The following MRGPRX2 variants were observed in gnomAD, a reference collection of about 807,000 sequenced individuals.
MRGPRX2 encodes mas-related G protein-coupled receptor member X2.
For missense variants in MRGPRX2, 389 were observed against 404.5 expected (o/e 0.96, Z 0.33); for synonymous variants, 183 against 175.6 (o/e 1.04, Z -0.33).
chr11:19,054,842 C>G lies in MRGPRX2; in HGVS notation c.*568G>C, dbSNP rs1849597412. On this transcript the variant is annotated 3_prime_UTR_variant, in exon 2 of 2. Transcript: ENST00000329773. ...AGTGAAAGCAATAAATTTAGTGACT[C>G]AAATCTGGTAAATGGAGACTTTTCA... 1 of 152,182 alleles carries G rather than the reference C, an allele frequency of 6.6e-6. No homozygotes were observed. Among genetic ancestry groups the G allele is most frequent in the Non-Finnish European group, 1.5e-5 (1 of 68,030 alleles). 9.4% of individuals were successfully genotyped at this position (152,182 alleles called of 1,614,324 possible). A position where few individuals can be genotyped will look rare whatever the true frequency, so the allele number is the denominator to read the frequency against.
Position 19,056,378 on chromosome 11 carries a change from C to T in MRGPRX2, c.25G>A (p.Gly9Arg), listed in dbSNP as rs528014472. Residue 9 changes from glycine to arginine, a missense_variant, in exon 2 of 2, where the codon GGA (glycine) becomes AGA (arginine). Gly to Arg is a moderately radical substitution (Grantham distance 125, BLOSUM62 -2). Transcript: ENST00000329773. The stretch of plus-strand genomic sequence containing the variant: ...CCATTCACTGTTGTACTTTCTGTTC[C>T]CCAGGCCGGGGTGGTTGGATCCATG... MDPTTPAWGTESTTVNGND... is the reference protein window; with the variant it reads MDPTTPAWRTESTTVNGND... 1 of 1,612,414 alleles carries T rather than the reference C, an allele frequency of 6.2e-7. No homozygotes were observed. The highest frequency in any genetic ancestry group is 8.5e-7 in the Non-Finnish European group (1 of 1,178,600).
chr11:19,055,926 C>T lies in MRGPRX2; in HGVS notation c.477G>A (p.Leu159=), dbSNP rs1471752589. 1.9e-6 allele frequency: 3 copies of T among 1,614,092 alleles called. No homozygotes were observed. Among genetic ancestry groups the T allele is most frequent in the African/African-American group, 2.7e-5 (2 of 74,930 alleles). Residue 159 remains leucine, a synonymous_variant, in exon 2 of 2, where the codon CTG becomes CTA. Coordinates refer to ENST00000329773, the MANE Select transcript of MRGPRX2 (RefSeq NM_054030.4). ...VCVLLWALSL[L]LSILEGKFCG... ...AGAACTTCCCTTCCAAGATGCTCAG[C>T]AGTAGGGACAGGGCCCAGAGCAGGA...
At chr11:19,056,461 C>A in intron 1 of MRGPRX2, 34 bp from the exon 2 acceptor site, 1 of 1,554,686 alleles carries the variant, frequency 6.4e-7, no homozygotes. Flanking sequence ...GCACCTGCTG[C>A]ATGTTCACTG....
chr11:19,056,480 G>T, intron 1 of MRGPRX2, 53 bp from the exon 2 acceptor site: 1 of 1,514,702 alleles, frequency 6.6e-7, no homozygotes, highest in South Asian at 1.3e-5. Context: ...TGATTTTCAT[G>T]ACCAGCCTGT....
intron 1 of MRGPRX2, among the ~76,000 whole-genome samples, chr11:19,058,656 G>T (rs559917560): frequency 6.6e-6 from 1 of 151,896 alleles, no homozygotes; most frequent in African/African-American, 2.4e-5. Flanking sequence ...TCGAACTTCT[G>T]ACCTTGTGAT....
intron 1 of MRGPRX2, among the ~76,000 whole-genome samples, chr11:19,056,779 G>C (rs7104629): frequency 0.3 from 45,408 of 152,026 alleles, 7,131 homozygotes; most frequent in African/African-American, 0.4. Flanking sequence ...CTGAGTTCAG[G>C]ATTCTTTTTA....
chr11:19,059,033 C>T (rs182044812), intron 1 of MRGPRX2, among the ~76,000 whole-genome samples: 1 of 152,296 alleles, frequency 6.6e-6, no homozygotes, highest in African/African-American at 2.4e-5. Context: ...GAAAAATCTC[C>T]AGGTGAGCAC....
At chr11:19,058,121 A>G (rs947019515) in intron 1 of MRGPRX2, among the ~76,000 whole-genome samples, 3 of 152,236 alleles carry the variant, frequency 2.0e-5, no homozygotes, top group Non-Finnish European at 4.4e-5. Context: ...AGATATGAAT[A>G]GAAGCCAACT....
At chr11:19,058,332 T>C (rs1281840724) in intron 1 of MRGPRX2, among the ~76,000 whole-genome samples, 1 of 152,146 alleles carries the variant, frequency 6.6e-6, no homozygotes, top group African/African-American at 2.4e-5. Flanking sequence ...TGGTTGGCCT[T>C]GTGAGGATAT....
In MRGPRX2 at chr11:19,056,180, C is replaced by T. The variant is rs181882698; in HGVS notation, c.223G>A (p.Asp75Asn). The T allele has an allele frequency of 3.2e-5, 52 of 1,614,220 alleles. No individual in the cohort carries two copies. The Middle Eastern group carries it at 6.6e-4, about 20-fold the overall frequency. The change falls in exon 2 of 2, where the codon GAC (aspartate) becomes AAC (asparagine). Residue 75 changes from aspartate to asparagine, a missense_variant. Transcript: ENST00000329773. ...SVYVLSLAGA[D>N]FLFLCFQIIN... is the part of the protein sequence containing the mutation. Reference sequence around the variant, plus strand: ...ATCTGGAAGCAGAGGAAGAGGAAGTCGGCCCCGGCCAGGCTGAGGACGTAG... The same window carrying T: ...ATCTGGAAGCAGAGGAAGAGGAAGTTGGCCCCGGCCAGGCTGAGGACGTAG...
At chr11:19,059,782 G>A (rs1345563014) in intron 1 of MRGPRX2, among the ~76,000 whole-genome samples, 5 of 152,198 alleles carry the variant, frequency 3.3e-5, no homozygotes, top group Non-Finnish European at 7.3e-5. Context: ...GAGGAGACAT[G>A]TCTGTGCCTC....
chr11:19,056,172 G>A lies in MRGPRX2; in HGVS notation c.231C>T (p.Leu77=). ...YVLSLAGADF[L]FLCFQIINCL... ...AATTTATAATCTGGAAGCAGAGGAAGAGGAAGTCGGCCCCGGCCAGGCTGA... is the reference window on the plus strand; with the variant it reads ...AATTTATAATCTGGAAGCAGAGGAAAAGGAAGTCGGCCCCGGCCAGGCTGA... The change falls in exon 2 of 2, where the codon CTC becomes CTT. Residue 77 remains leucine (L), a synonymous_variant. Coordinates refer to ENST00000329773, the MANE Select transcript of MRGPRX2 (RefSeq NM_054030.4). 1 of 1,614,216 alleles carries A rather than the reference G, an allele frequency of 6.2e-7. No homozygotes were observed. The highest frequency in any genetic ancestry group is 8.5e-7 in the Non-Finnish European group (1 of 1,180,034).
Position 19,055,806 on chromosome 11 carries a change from A to T in MRGPRX2, c.597T>A (p.Cys199Ter). Reference protein sequence around the residue: ...AWLIFLFMVLCGSSLALLVRI... With the variant: ...AWLIFLFMVL ...TGACCAGCAGGGCCAGACTGGACCCACAGAGAACCATGAATAAAAAAATCA... is the reference window on the plus strand; with the variant it reads ...TGACCAGCAGGGCCAGACTGGACCCTCAGAGAACCATGAATAAAAAAATCA... The change falls in exon 2 of 2, where the codon TGT becomes TGA. Residue 199 changes from cysteine to a stop codon, truncating the protein, a stop_gained. Coordinates refer to ENST00000329773, the MANE Select transcript of MRGPRX2 (RefSeq NM_054030.4). LOFTEE classifies it low-confidence loss of function (END_TRUNC). The T allele has an allele frequency of 1.2e-6, 2 of 1,614,206 alleles. No homozygotes were observed. Among genetic ancestry groups the T allele is most frequent in the Non-Finnish European group, 1.7e-6 (2 of 1,180,034 alleles).
chr11:19,059,226 A>C (rs1053445873), intron 1 of MRGPRX2, among the ~76,000 whole-genome samples: 8 of 152,212 alleles, frequency 5.3e-5, no homozygotes, highest in Non-Finnish European at 8.8e-5. Context: ...AAAGTGATAT[A>C]ACCAGCTACT....
chr11:19,055,559 C>T lies in MRGPRX2; in HGVS notation c.844G>A (p.Val282Met), dbSNP rs779414608. The stretch of plus-strand genomic sequence containing the variant: ...CGCCACTGCTTCCTAAAAGAGCCCA[C>T]GAAGAAGTAAATGATGGGGTTGGCA... ...SSANPIIYFF[V>M]GSFRKQWRLQ... The change falls in exon 2 of 2, where the codon GTG becomes ATG. Residue 282 changes from valine to methionine, a missense_variant. Physicochemically the swap from Val to Met is conservative, Grantham distance 21. Transcript: ENST00000329773. 1.1e-5 allele frequency: 17 copies of T among 1,614,080 alleles called. No individual in the cohort carries two copies. The highest frequency in any genetic ancestry group is 5.5e-5 in the South Asian group (5 of 91,080).
At position 19,056,025 on chromosome 11, in the gene MRGPRX2, C is replaced by T; in HGVS notation, c.378G>A (p.Glu126=). The T allele has an allele frequency of 6.2e-7, 1 of 1,614,216 alleles. No homozygotes were observed. The highest frequency in any genetic ancestry group is 8.5e-7 in the Non-Finnish European group (1 of 1,180,044). ...GLSMLSTVST[E]RCLSVLWPIW... is the part of the protein sequence containing the mutation. ...TGGGCCACAGGACGGACAGGCAGCGCTCGGTGCTGACGGTGCTCAGCATGC... is the reference window on the plus strand; with the variant it reads ...TGGGCCACAGGACGGACAGGCAGCGTTCGGTGCTGACGGTGCTCAGCATGC... Residue 126 remains glutamate, a synonymous_variant, in exon 2 of 2, where the codon GAG becomes GAA. Coordinates refer to ENST00000329773, the MANE Select transcript of MRGPRX2 (RefSeq NM_054030.4).
intron 1 of MRGPRX2, among the ~76,000 whole-genome samples, chr11:19,059,176 C>T (rs1275201412): frequency 6.6e-6 from 1 of 152,196 alleles, no homozygotes; most frequent in Non-Finnish European, 1.5e-5. Flanking sequence ...ATGCTAATGG[C>T]ACCATGTAAC....
Position 19,055,923 on chromosome 11 carries a change from C to T in MRGPRX2, c.480G>A (p.Leu160=), listed in dbSNP as rs1420232635. The T allele has an allele frequency of 6.2e-7, 1 of 1,614,090 alleles. No homozygotes were observed. ...CACAGAACTTCCCTTCCAAGATGCT[C>T]AGCAGTAGGGACAGGGCCCAGAGCA... The part of the protein sequence containing the change: ...CVLLWALSLL[L]SILEGKFCGF... Residue 160 remains leucine, a synonymous_variant, in exon 2 of 2, where the codon CTG becomes CTA. Coordinates refer to ENST00000329773, the MANE Select transcript of MRGPRX2 (RefSeq NM_054030.4).
In MRGPRX2 at chr11:19,056,074, G is replaced by T. The variant is rs1298524742; in HGVS notation, c.329C>A (p.Thr110Asn). The T allele has an allele frequency of 3.1e-6, 5 of 1,614,234 alleles. No homozygotes were observed. The highest frequency in any genetic ancestry group is 4.2e-6 in the Non-Finnish European group (5 of 1,180,036). Residue 110 changes from threonine to asparagine, a missense_variant, in exon 2 of 2, where the codon ACC becomes AAC. Thr to Asn is a moderately conservative substitution (Grantham distance 65). Transcript: ENST00000329773. ...NFPSFFTTVM[T>N]CAYLAGLSML... ...GCTCAGGCCTGCAAGGTAGGCACAG[G>T]TCATCACAGTGGTGAAGAAGCTAGG...
Sources: allele counts gnomAD v4.1 joint callset (sites outside exome capture counted in the v4.1 genomes callset), GRCh38; gene constraint gnomAD v4.1.1; transcripts MANE v1.5; gene names NCBI Gene and HGNC (gene_info 2026-07-23, HGNC 2026-07-21).